The following BRINP1 variants were observed in gnomAD, a reference collection of about 807,000 sequenced individuals.
The protein encoded by BRINP1 is BMP/retinoic acid-inducible neural-specific protein 1.
A neutral mutation model predicts 72.9 loss-of-function variants in BRINP1; 17 were observed. That is an observed-to-expected ratio of 0.23 (90% CI 0.16 to 0.35). The LOEUF (loss-of-function observed/expected upper bound fraction) is 0.35, where lower values mean the gene tolerates loss of function less well. BRINP1 is among the 10% of genes least tolerant of loss of function. The pLI is 1.00. For synonymous variants in BRINP1, 418 were observed against 378.5 expected (o/e 1.10, Z -1.21); for missense variants, 850 against 1,001.6 (o/e 0.85, Z 2.04).
chr9:119,226,048 T>C (rs1404027478), intron 5 of BRINP1, among the ~76,000 whole-genome samples: 5 of 152,060 alleles, frequency 3.3e-5, no homozygotes, highest in Middle Eastern at 3.4e-3. Flanking sequence ...CTCTCAGCGA[T>C]CTCAGTTACA....
At chr9:119,359,648 T>C (rs113950207) in intron 1 of BRINP1, among the ~76,000 whole-genome samples, 52 of 152,320 alleles carry the variant, frequency 3.4e-4, no homozygotes, top group African/African-American at 1.2e-3. Context: ...CTCTGTACTT[T>C]CAAGTCAGAA....
At chr9:119,275,409 A>C (rs1025115683) in intron 2 of BRINP1, among the ~76,000 whole-genome samples, 1 of 152,172 alleles carries the variant, frequency 6.6e-6, no homozygotes, top group African/African-American at 2.4e-5. Flanking sequence ...TCTCCCTTTG[A>C]CACCGTCCAT....
chr9:119,296,146 A>G (rs544053796), intron 2 of BRINP1, among the ~76,000 whole-genome samples: 1 of 152,352 alleles, frequency 6.6e-6, no homozygotes, highest in East Asian at 1.9e-4. Flanking sequence ...ATATCTAATG[A>G]GTGGTTAATT....
Position 119,281,522 on chromosome 9 carries a change from T to C in BRINP1, c.218+31616A>G, listed in dbSNP as rs140449428. ...AGGGAAGGGAGAAAGAGAGGTATCA[T>C]AGATTCTCTATGGTATCATAGGATT... On this transcript the variant is annotated intron_variant, in intron 2 of 7. Transcript: ENST00000265922. Among the ~76,000 whole-genome samples the C allele has an allele frequency of 7.1e-4, 108 of 152,268 alleles. 3 individuals carry two copies. The East Asian group carries it at 0.019, about 26-fold the overall frequency.
chr9:119,264,535 C>T (rs1430775383), intron 2 of BRINP1, among the ~76,000 whole-genome samples: 1 of 152,238 alleles, frequency 6.6e-6, no homozygotes, highest in East Asian at 1.9e-4. Flanking sequence ...TTCCCAGCTC[C>T]TTCCTCATTG....
At chr9:119,331,528 G>T (rs928342464) in intron 1 of BRINP1, among the ~76,000 whole-genome samples, 3 of 152,348 alleles carry the variant, frequency 2.0e-5, no homozygotes, top group East Asian at 1.9e-4. Context: ...GGTTCCAGTA[G>T]AATTTAATTG....
intron 3 of BRINP1, among the ~76,000 whole-genome samples, chr9:119,246,466 C>T (rs576688953): frequency 2.5e-3 from 383 of 152,334 alleles, no homozygotes; most frequent in Non-Finnish European, 3.8e-3. Context: ...AGTTCTTCAG[C>T]TTTGGGACTC....
chr9:119,314,109 A>G (rs960241810), intron 1 of BRINP1, among the ~76,000 whole-genome samples: 11 of 152,202 alleles, frequency 7.2e-5, no homozygotes, highest in Non-Finnish European at 1.6e-4. Context: ...AAACCCAAAG[A>G]AACATGGCCA....
intron 7 of BRINP1, among the ~76,000 whole-genome samples, chr9:119,174,737 A>T (rs979284720): frequency 7.9e-5 from 12 of 151,966 alleles, no homozygotes; most frequent in Admixed American, 4.6e-4. Flanking sequence ...ACAATGATAG[A>T]CTGGATTAAG....
chr9:119,322,012 AG>A (rs1831194545), intron 1 of BRINP1, among the ~76,000 whole-genome samples: 9 of 152,090 alleles, frequency 5.9e-5, no homozygotes, highest in Admixed American at 5.9e-4. Flanking sequence ...TCTCCCTTAG[AG>A]CCATTGGGTT....
intron 2 of BRINP1, among the ~76,000 whole-genome samples, chr9:119,293,017 G>A (rs891626076): frequency 2.0e-5 from 3 of 152,118 alleles, no homozygotes; most frequent in African/African-American, 7.2e-5. Context: ...CACTTTTTCT[G>A]TCTGAGTACA....
intron 1 of BRINP1, among the ~76,000 whole-genome samples, chr9:119,349,787 A>G (rs1345139579): frequency 6.6e-6 from 1 of 152,180 alleles, no homozygotes; most frequent in Non-Finnish European, 1.5e-5. Context: ...GGGGAAGTGC[A>G]GAGGGGAAAA....
chr9:119,296,741 A>G (rs774091985), intron 2 of BRINP1, among the ~76,000 whole-genome samples: 2 of 152,218 alleles, frequency 1.3e-5, no homozygotes, highest in Non-Finnish European at 2.9e-5. Context: ...ACATTATGCT[A>G]AATGAAATAT....
intron 2 of BRINP1, among the ~76,000 whole-genome samples, chr9:119,275,497 C>G (rs1227609703): frequency 1.3e-5 from 2 of 152,166 alleles, no homozygotes; most frequent in African/African-American, 4.8e-5. Flanking sequence ...TCTGTCCCAA[C>G]TGATGGTTCT....
chr9:119,219,769 A>G (rs770695358), intron 5 of BRINP1, among the ~76,000 whole-genome samples: 2 of 152,146 alleles, frequency 1.3e-5, no homozygotes, highest in Non-Finnish European at 2.9e-5. Flanking sequence ...TTCAGGGAAC[A>G]CAGGGAAAGA....
intron 1 of BRINP1, among the ~76,000 whole-genome samples, chr9:119,357,772 T>C (rs1287119959): frequency 1.3e-5 from 2 of 152,162 alleles, no homozygotes; most frequent in Non-Finnish European, 2.9e-5. Context: ...AGGATCAGGA[T>C]TGAGGGCAGA....
At chr9:119,329,578 C>T (rs904463245) in intron 1 of BRINP1, among the ~76,000 whole-genome samples, 1 of 152,176 alleles carries the variant, frequency 6.6e-6, no homozygotes, top group Non-Finnish European at 1.5e-5. Flanking sequence ...CTCCTCACAC[C>T]ATCCTTGCAT....
intron 5 of BRINP1, among the ~76,000 whole-genome samples, chr9:119,235,275 G>A (rs1481103861): frequency 6.6e-6 from 1 of 152,136 alleles, no homozygotes; most frequent in Non-Finnish European, 1.5e-5. Context: ...ACTCATTAAT[G>A]TGCTGCAGAA....
At chr9:119,344,686 T>C (rs1831433792) in intron 1 of BRINP1, among the ~76,000 whole-genome samples, 1 of 152,172 alleles carries the variant, frequency 6.6e-6, no homozygotes, top group South Asian at 2.1e-4. Flanking sequence ...TGAACCTACC[T>C]CCACTTCCCA....
Sources: allele counts gnomAD v4.1 joint callset (sites outside exome capture counted in the v4.1 genomes callset), GRCh38; gene constraint gnomAD v4.1.1; transcripts MANE v1.5; gene names NCBI Gene and HGNC (gene_info 2026-07-23, HGNC 2026-07-21).